TENM3: variants seen among roughly 807,000 people sequenced by gnomAD.
TENM3 encodes the protein teneurin transmembrane protein 3.
TENM3 carries 63 observed loss-of-function variants against 255.1 expected under a neutral mutation model. The observed-to-expected ratio is 0.25, with a 90% CI of 0.20 to 0.30. The LOEUF (loss-of-function observed/expected upper bound fraction) is 0.30. Ranked by LOEUF, TENM3 falls within the 10% of genes least tolerant of loss-of-function variation. The pLI, the probability that TENM3 is intolerant of heterozygous loss-of-function variation, is 1.00. For missense variants in TENM3, 2,929 were observed against 3,461.1 expected (o/e 0.85, Z 3.86); for synonymous variants, 1,306 against 1,322.3 (o/e 0.99, Z 0.27).
chr4:181,701,903 A>C, the TENM3 span, among the ~76,000 whole-genome samples: 1 of 152,226 alleles, frequency 6.6e-6, no homozygotes, highest in African/African-American at 2.4e-5. Flanking sequence ...CTCGGGGAAC[A>C]GGAGGCTTTT....
intron 22 of TENM3, among the ~76,000 whole-genome samples, chr4:182,761,051 G>T (rs982919672): frequency 6.6e-6 from 1 of 152,116 alleles, no homozygotes; most frequent in Non-Finnish European, 1.5e-5. Flanking sequence ...TATTTAAACA[G>T]CCTGGCTGCA....
the TENM3 span, among the ~76,000 whole-genome samples, chr4:181,634,005 G>A: frequency 6.6e-6 from 1 of 152,166 alleles, no homozygotes; most frequent in Non-Finnish European, 1.5e-5. Context: ...TTGCTCTTAA[G>A]AGAAAAATGT....
the TENM3 span, among the ~76,000 whole-genome samples, chr4:181,902,025 T>C: frequency 6.6e-6 from 1 of 152,078 alleles, no homozygotes; most frequent in Non-Finnish European, 1.5e-5. Context: ...ATTAGAGCCA[T>C]ATGATACCAG....
At chr4:181,903,735 G>T in the TENM3 span, among the ~76,000 whole-genome samples, 1 of 152,170 alleles carries the variant, frequency 6.6e-6, no homozygotes, top group Non-Finnish European at 1.5e-5. Context: ...TGCAAGTCAA[G>T]ATTTGAATGC....
intron 3 of TENM3, among the ~76,000 whole-genome samples, chr4:182,564,214 A>G (rs1001734938): frequency 6.6e-6 from 1 of 152,144 alleles, no homozygotes; most frequent in Non-Finnish European, 1.5e-5. Context: ...TTAAAGTATC[A>G]GAAAGTTCCT....
chr4:182,331,095 C>G (rs72698095), intron 2 of TENM3, among the ~76,000 whole-genome samples: 21,073 of 151,992 alleles, frequency 0.14, 1,826 homozygotes, highest in South Asian at 0.27. Flanking sequence ...AATAGACCCA[C>G]CTAATTAGCA....
At chr4:182,523,165 T>TTGTG (rs573371837) in intron 3 of TENM3, among the ~76,000 whole-genome samples, 2 of 151,446 alleles carry the variant, frequency 1.3e-5, no homozygotes, top group Admixed American at 6.6e-5. Context: ...TTTTTTGTTT[T>TTGTG]TGTGTGTGTG....
chr4:182,097,980 GA>G, the TENM3 span, among the ~76,000 whole-genome samples: 2 of 150,616 alleles, frequency 1.3e-5, no homozygotes, highest in African/African-American at 4.9e-5. Context: ...AACTTAGTAG[GA>G]AAAAAAAATC....
intron 3 of TENM3, among the ~76,000 whole-genome samples, chr4:182,597,694 T>C (rs972703093): frequency 4.6e-5 from 7 of 152,214 alleles, no homozygotes; most frequent in Non-Finnish European, 8.8e-5. Flanking sequence ...TTGTATTCTA[T>C]CTTTATTTTT....
At chr4:181,992,567 A>T in the TENM3 span, among the ~76,000 whole-genome samples, 1 of 152,128 alleles carries the variant, frequency 6.6e-6, no homozygotes, top group Admixed American at 6.6e-5. Context: ...TTTATTCTGT[A>T]TCTCTTTACA....
At chr4:182,666,632 C>A (rs1754704068) in intron 6 of TENM3, among the ~76,000 whole-genome samples, 1 of 152,210 alleles carries the variant, frequency 6.6e-6, no homozygotes, top group African/African-American at 2.4e-5. Context: ...CACAGTGGCT[C>A]ATGCCTGCAA....
At chr4:181,695,139 A>G in the TENM3 span, among the ~76,000 whole-genome samples, 8 of 152,344 alleles carry the variant, frequency 5.3e-5, no homozygotes, top group South Asian at 1.7e-3. Flanking sequence ...AATGCTATTA[A>G]TATTTGCCTA....
chr4:182,606,741 G>A, intron 4 of TENM3, among the ~76,000 whole-genome samples: 1 of 152,122 alleles, frequency 6.6e-6, no homozygotes, highest in Non-Finnish European at 1.5e-5. Flanking sequence ...ATTTTTTAAT[G>A]TGAGATTATT....
chr4:181,640,830 G>A, the TENM3 span, among the ~76,000 whole-genome samples: 28 of 152,284 alleles, frequency 1.8e-4, no homozygotes, highest in Middle Eastern at 0.017. Context: ...CTGAACTTTG[G>A]TTGGGCAACC....
chr4:182,297,016 C>A (rs528362019), intron 1 of TENM3, among the ~76,000 whole-genome samples: 2 of 152,220 alleles, frequency 1.3e-5, no homozygotes, highest in Non-Finnish European at 2.9e-5. Context: ...TCGCATCTTA[C>A]ACCATATTTT....
the TENM3 span, among the ~76,000 whole-genome samples, chr4:181,490,683 C>G: frequency 6.6e-6 from 1 of 152,026 alleles, no homozygotes; most frequent in African/African-American, 2.4e-5. Flanking sequence ...GTAAAAACAC[C>G]CTGCATATTG....
intron 3 of TENM3, among the ~76,000 whole-genome samples, chr4:182,400,615 A>T (rs1769156424): frequency 6.6e-6 from 1 of 152,228 alleles, no homozygotes; most frequent in South Asian, 2.1e-4. Context: ...ATAAACTTGA[A>T]ACAATTTAGC....
At chr4:182,545,640 G>A (rs1197116434) in intron 3 of TENM3, among the ~76,000 whole-genome samples, 1 of 151,842 alleles carries the variant, frequency 6.6e-6, no homozygotes, top group Non-Finnish European at 1.5e-5. Flanking sequence ...TCCCTCCCCG[G>A]TGGTATTACA....
At chr4:182,796,921 T>C (rs1766534923) in intron 27 of TENM3, among the ~76,000 whole-genome samples, 154 bp downstream of exon 27, 1 of 152,236 alleles carries the variant, frequency 6.6e-6, no homozygotes, top group South Asian at 2.1e-4. Context: ...TCTGCATTTG[T>C]GTTCAACAAA....
Sources: gnomAD v4.1 joint callset for allele counts (sites outside exome capture counted in the v4.1 genomes callset) on GRCh38, gnomAD v4.1.1 for gene constraint, MANE v1.5 for transcripts, NCBI Gene and HGNC (gene_info 2026-07-23, HGNC 2026-07-21) for gene names.